Variants in GHR observed in about 807,000 individuals in gnomAD.
The protein encoded by GHR is GH receptor.
In GHR, 35 loss-of-function variants were observed where a neutral mutation model predicts 67.1. The observed-to-expected ratio is 0.52, with a 90% CI of 0.40 to 0.69. The LOEUF (loss-of-function observed/expected upper bound fraction) is 0.69. Among genes scored for constraint, GHR ranks in the 30% least tolerant of loss-of-function variants. GHR has a pLI of 0.00. For missense variants in GHR, 792 were observed against 764.6 expected (o/e 1.04, Z -0.42); for synonymous variants, 272 against 269.1 (o/e 1.01, Z -0.10).
intron 6 of GHR, among the ~76,000 whole-genome samples, chr5:42,708,465 A>G (rs370279481): frequency 1.3e-5 from 2 of 152,150 alleles, no homozygotes; most frequent in East Asian, 3.8e-4. Flanking sequence ...ATATTATTTA[A>G]CAAAATCAAT....
intron 1 of GHR, among the ~76,000 whole-genome samples, chr5:42,500,300 T>C (rs897964798): frequency 7.9e-5 from 12 of 152,246 alleles, no homozygotes; most frequent in African/African-American, 2.4e-4. Flanking sequence ...ACTCAGCCCA[T>C]GGATTATTAT....
intron 1 of GHR, chr5:42,425,019 C>T: frequency 1.0e-6 from 1 of 985,220 alleles, no homozygotes; most frequent in Non-Finnish European, 1.2e-6. Flanking sequence ...GCCAGGAGAC[C>T]TTGGAAGGGA....
intron 3 of GHR, among the ~76,000 whole-genome samples, chr5:42,651,764 C>T (rs1271321714): frequency 6.6e-6 from 1 of 152,038 alleles, no homozygotes. Context: ...AGTGTTATAT[C>T]CCAATATGAG....
chr5:42,651,392 A>G (rs1033502730), intron 3 of GHR, among the ~76,000 whole-genome samples: 1 of 152,162 alleles, frequency 6.6e-6, no homozygotes, highest in African/African-American at 2.4e-5. Flanking sequence ...AGTGTTGAGA[A>G]TGAAACAGAA....
chr5:42,665,711 C>T (rs1755929128), intron 3 of GHR, among the ~76,000 whole-genome samples: 1 of 149,208 alleles, frequency 6.7e-6, no homozygotes, highest in South Asian at 2.2e-4. Context: ...CTAACCTGCA[C>T]ATTGTGCACA....
chr5:42,611,241 G>A (rs1198556677), intron 2 of GHR, among the ~76,000 whole-genome samples: 2 of 152,010 alleles, frequency 1.3e-5, no homozygotes, highest in Non-Finnish European at 2.9e-5. Context: ...TGAGTGTAAT[G>A]TGTCTAAATG....
intron 1 of GHR, among the ~76,000 whole-genome samples, chr5:42,536,977 CTT>C (rs1404055504): frequency 6.6e-6 from 1 of 151,970 alleles, no homozygotes; most frequent in Non-Finnish European, 1.5e-5. Flanking sequence ...CTTGAATGAT[CTT>C]TTATATTTCA....
At chr5:42,685,704 GC>G (rs1757105179) in intron 3 of GHR, among the ~76,000 whole-genome samples, 1 of 152,160 alleles carries the variant, frequency 6.6e-6, no homozygotes, top group Non-Finnish European at 1.5e-5. Context: ...GTGATGACGA[GC>G]ATTTTTTCAT....
At chr5:42,646,620 T>C (rs957729153) in intron 3 of GHR, among the ~76,000 whole-genome samples, 1 of 152,134 alleles carries the variant, frequency 6.6e-6, no homozygotes, top group Non-Finnish European at 1.5e-5. Flanking sequence ...AGGGAATGAA[T>C]GGTTCTGCAG....
intron 3 of GHR, among the ~76,000 whole-genome samples, chr5:42,665,981 C>A (rs1231124353): frequency 6.6e-6 from 1 of 152,048 alleles, no homozygotes; most frequent in Admixed American, 6.6e-5. Context: ...GATTCAATTA[C>A]CTTCCACCAG....
intron 2 of GHR, among the ~76,000 whole-genome samples, chr5:42,599,525 T>A (rs1020597225): frequency 1.3e-5 from 2 of 151,862 alleles, no homozygotes; most frequent in Admixed American, 1.3e-4. Flanking sequence ...CACACCTGGC[T>A]AATTTTTGTA....
chr5:42,424,625 C>A lies in GHR; in HGVS notation c.-12+670C>A, dbSNP rs1030616357. The A allele has an allele frequency of 1.3e-6, 2 of 1,529,898 alleles. No homozygotes were observed. The highest frequency in any genetic ancestry group is 1.8e-6 in the Non-Finnish European group (2 of 1,141,810). 94.8% of individuals were successfully genotyped at this position (1,529,898 alleles called of 1,614,324 possible). On this transcript the variant is annotated intron_variant, in intron 1 of 9. Transcript: ENST00000230882. This position sits in a 1 kb window ranked among gnomAD's most constrained non-coding sequence, Gnocchi z 4.1. ...TAAGTGGAAATTGTGGCGAGCCGAC[C>A]TCCCCCAGCTTTTGACACACTAGTG...
intron 3 of GHR, among the ~76,000 whole-genome samples, chr5:42,673,599 G>A (rs1044576519): frequency 2.6e-5 from 4 of 152,152 alleles, no homozygotes; most frequent in Non-Finnish European, 4.4e-5. Context: ...CAATAAAAAA[G>A]AATGAAATCA....
intron 2 of GHR, among the ~76,000 whole-genome samples, chr5:42,600,012 G>A (rs1352386435): frequency 1.3e-5 from 2 of 152,136 alleles, no homozygotes; most frequent in Non-Finnish European, 2.9e-5. Flanking sequence ...CCAGACTTGT[G>A]TACCAGAACA....
At chr5:42,492,401 C>T (rs1181862538) in intron 1 of GHR, among the ~76,000 whole-genome samples, 2 of 152,088 alleles carry the variant, frequency 1.3e-5, no homozygotes, top group Non-Finnish European at 2.9e-5. Flanking sequence ...AAAATTTCTA[C>T]CTTATGGGGT....
chr5:42,607,901 T>C (rs1054798131), intron 2 of GHR, among the ~76,000 whole-genome samples: 8 of 152,244 alleles, frequency 5.3e-5, no homozygotes, highest in South Asian at 2.1e-4. Flanking sequence ...CTCAATCTAC[T>C]TTCAAGATTT....
chr5:42,510,177 C>A (rs1368300115), intron 1 of GHR, among the ~76,000 whole-genome samples: 1 of 152,198 alleles, frequency 6.6e-6, no homozygotes, highest in African/African-American at 2.4e-5. Context: ...TTTCCCAAAG[C>A]CAATTCTTTG....
chr5:42,505,547 A>G (rs1746736132), intron 1 of GHR, among the ~76,000 whole-genome samples: 1 of 152,150 alleles, frequency 6.6e-6, no homozygotes, highest in Non-Finnish European at 1.5e-5. Flanking sequence ...CCAAGAAGGA[A>G]CAAGTACAAA....
intron 5 of GHR, 75 bp downstream of exon 5, chr5:42,695,164 T>C (rs1757614319): frequency 4.1e-6 from 4 of 987,002 alleles, no homozygotes; most frequent in Non-Finnish European, 6.5e-6. Context: ...GGTCCAAGTA[T>C]AATCAAGTAG....
Sources: allele counts gnomAD v4.1 joint callset (sites outside exome capture counted in the v4.1 genomes callset), GRCh38; gene constraint gnomAD v4.1.1; non-coding constraint Gnocchi (gnomAD v3.1); transcripts MANE v1.5; gene names NCBI Gene and HGNC (gene_info 2026-07-23, HGNC 2026-07-21).